The following LSAMP variants were observed in gnomAD, a reference collection of about 807,000 sequenced individuals.
LSAMP encodes limbic system associated membrane protein.
In LSAMP, 7 loss-of-function variants were observed where a neutral mutation model predicts 38.6. The observed-to-expected ratio is 0.18, with a 90% CI of 0.10 to 0.34. The LOEUF (loss-of-function observed/expected upper bound fraction) is 0.34, where lower values mean the gene tolerates loss of function less well. LSAMP is among the 10% of genes least tolerant of loss of function. The pLI, the probability that LSAMP is intolerant of heterozygous loss-of-function variation, is 1.00. For synonymous variants in LSAMP, 154 were observed against 166.8 expected (o/e 0.92, Z 0.59); for missense variants, 313 against 420.0 (o/e 0.75, Z 2.23).
intron 3 of LSAMP, among the ~76,000 whole-genome samples, chr3:115,943,162 T>C (rs1430805141): frequency 6.6e-6 from 1 of 152,154 alleles, no homozygotes; most frequent in Non-Finnish European, 1.5e-5. Flanking sequence ...TTTCACCCTG[T>C]GGTACAGCCA....
intron 2 of LSAMP, among the ~76,000 whole-genome samples, chr3:116,065,501 G>T (rs943664319): frequency 6.6e-6 from 1 of 152,190 alleles, no homozygotes; most frequent in South Asian, 2.1e-4. Context: ...AATAAATACA[G>T]ACTAGTCATG....
intron 1 of LSAMP, among the ~76,000 whole-genome samples, chr3:116,227,118 C>G (rs2046351513): frequency 6.6e-6 from 1 of 152,028 alleles, no homozygotes; most frequent in South Asian, 2.1e-4. Flanking sequence ...CACATAGTCA[C>G]TTTTTTAGGA....
intron 1 of LSAMP, among the ~76,000 whole-genome samples, chr3:116,171,820 A>G (rs1710207230): frequency 6.6e-6 from 1 of 152,028 alleles, no homozygotes; most frequent in South Asian, 2.1e-4. Flanking sequence ...AGACAGGAGC[A>G]AAAGAGACCA....
At chr3:115,847,055 T>TA (rs1268403637) in intron 4 of LSAMP, among the ~76,000 whole-genome samples, 1 of 152,180 alleles carries the variant, frequency 6.6e-6, no homozygotes, top group Non-Finnish European at 1.5e-5. Context: ...AGAGCACTTT[T>TA]AACGCCTAAA....
At chr3:116,388,135 C>T (rs1041473113) in intron 1 of LSAMP, among the ~76,000 whole-genome samples, 1 of 151,914 alleles carries the variant, frequency 6.6e-6, no homozygotes, top group Admixed American at 6.6e-5. Context: ...AAGAAAGGAA[C>T]AGACATGCTG....
intron 1 of LSAMP, among the ~76,000 whole-genome samples, chr3:116,310,173 C>T (rs1268444412): frequency 7.8e-5 from 11 of 141,216 alleles, no homozygotes; most frequent in East Asian, 1.9e-4. Flanking sequence ...TGGGAACAGA[C>T]GTTCCTTCTT....
intron 3 of LSAMP, among the ~76,000 whole-genome samples, chr3:115,886,249 T>C (rs932636152): frequency 6.6e-6 from 1 of 151,984 alleles, no homozygotes; most frequent in African/African-American, 2.4e-5. Context: ...TTAACAGCTA[T>C]CTGGGTACCC....
At chr3:116,182,583 G>C (rs547951178) in intron 1 of LSAMP, among the ~76,000 whole-genome samples, 1 of 151,616 alleles carries the variant, frequency 6.6e-6, no homozygotes, top group East Asian at 1.9e-4. Context: ...TGAAGAAGGG[G>C]TAGATGAAAG....
intron 1 of LSAMP, among the ~76,000 whole-genome samples, chr3:116,187,666 T>C (rs1710652377): frequency 1.3e-5 from 2 of 152,128 alleles, no homozygotes; most frequent in Admixed American, 1.3e-4. Context: ...GAAACTTCCC[T>C]TTGACTCACA....
chr3:116,087,750 G>A (rs1378259453), intron 1 of LSAMP, among the ~76,000 whole-genome samples: 1 of 152,168 alleles, frequency 6.6e-6, no homozygotes, highest in Non-Finnish European at 1.5e-5. Flanking sequence ...CCCATAGGCT[G>A]TCCCACATGG....
At chr3:116,246,849 T>C (rs1195376291) in intron 1 of LSAMP, among the ~76,000 whole-genome samples, 1 of 152,094 alleles carries the variant, frequency 6.6e-6, no homozygotes, top group Non-Finnish European at 1.5e-5. Context: ...TCTCATACTT[T>C]GAAAATGTCC....
At chr3:116,054,543 GTC>G (rs1941454578) in intron 2 of LSAMP, among the ~76,000 whole-genome samples, 1 of 152,060 alleles carries the variant, frequency 6.6e-6, no homozygotes, top group Non-Finnish European at 1.5e-5. Context: ...CCTATTCATG[GTC>G]TCTCACAGGT....
chr3:116,419,828 TA>T (rs1480111021), intron 1 of LSAMP, among the ~76,000 whole-genome samples: 2 of 152,150 alleles, frequency 1.3e-5, no homozygotes, highest in Non-Finnish European at 2.9e-5. Context: ...ATTAGCCATT[TA>T]AAAAAATAGA....
chr3:116,203,430 G>C (rs957503606), intron 1 of LSAMP, among the ~76,000 whole-genome samples: 1 of 150,946 alleles, frequency 6.6e-6, no homozygotes, highest in South Asian at 2.1e-4. Flanking sequence ...TTAAGTTTTA[G>C]GGTACATGTG....
chr3:116,333,402 G>C (rs938858926), intron 1 of LSAMP, among the ~76,000 whole-genome samples: 3 of 151,978 alleles, frequency 2.0e-5, no homozygotes, highest in African/African-American at 7.2e-5. Context: ...AGCAAGGTGT[G>C]GTGGTGGGCA....
chr3:116,173,581 GTGCAAACC>G (rs1461397121), intron 1 of LSAMP, among the ~76,000 whole-genome samples: 2 of 151,900 alleles, frequency 1.3e-5, no homozygotes, highest in Non-Finnish European at 2.9e-5. Flanking sequence ...AAATATATGT[GTGCAAACC>G]TATACACATA....
chr3:116,181,804 C>T (rs2107570024), intron 1 of LSAMP, among the ~76,000 whole-genome samples: 2 of 152,030 alleles, frequency 1.3e-5, no homozygotes, highest in Non-Finnish European at 2.9e-5. Flanking sequence ...GTCTACGCAT[C>T]TGATTTCCTT....
chr3:116,147,827 GC>G (rs1409170726), intron 1 of LSAMP, among the ~76,000 whole-genome samples: 1 of 151,890 alleles, frequency 6.6e-6, no homozygotes. Flanking sequence ...TATGTTTTGA[GC>G]TTCATCTTTT....
intron 1 of LSAMP, among the ~76,000 whole-genome samples, chr3:116,138,588 T>G (rs1709302292): frequency 6.6e-6 from 1 of 152,056 alleles, no homozygotes; most frequent in Non-Finnish European, 1.5e-5. Flanking sequence ...GCTTGGATTC[T>G]AGGAGCAGCA....
Sources: gnomAD v4.1 joint callset for allele counts (sites outside exome capture counted in the v4.1 genomes callset) on GRCh38, gnomAD v4.1.1 for gene constraint, MANE v1.5 for transcripts, NCBI Gene and HGNC (gene_info 2026-07-23, HGNC 2026-07-21) for gene names.